TNFSF4: variants seen among roughly 807,000 people sequenced by gnomAD.
TNFSF4 encodes tumor necrosis factor ligand superfamily member 4.
TNFSF4 carries 4 observed loss-of-function variants against 7.3 expected under a neutral mutation model. The ratio of observed to expected loss-of-function variants is 0.55; its 90% CI spans 0.27 to 1.25. The LOEUF (loss-of-function observed/expected upper bound fraction) is 1.25. TNFSF4 is among the 50% of genes most tolerant of loss of function. The pLI is 0.12. For synonymous variants in TNFSF4, 76 were observed against 83.7 expected (o/e 0.91, Z 0.50); for missense variants, 181 against 208.8 (o/e 0.87, Z 0.82).
At chr1:173,262,235 G>A in the TNFSF4 span, among the ~76,000 whole-genome samples, 1 of 152,114 alleles carries the variant, frequency 6.6e-6, no homozygotes, top group Non-Finnish European at 1.5e-5. Context: ...AAAACCACAT[G>A]ATTATCATCA....
chr1:173,330,582 C>CG, the TNFSF4 span, among the ~76,000 whole-genome samples: 1 of 152,076 alleles, frequency 6.6e-6, no homozygotes. Context: ...CTTCAGCACT[C>CG]TGCCTCCCTG....
chr1:173,173,708 G>A, the TNFSF4 span, among the ~76,000 whole-genome samples: 1 of 152,232 alleles, frequency 6.6e-6, no homozygotes, highest in East Asian at 1.9e-4. Flanking sequence ...GGCGTGAGCT[G>A]TACATTGGCC....
At chr1:173,339,820 G>A in the TNFSF4 span, among the ~76,000 whole-genome samples, 18 of 152,106 alleles carry the variant, frequency 1.2e-4, no homozygotes, top group Non-Finnish European at 2.4e-4. Flanking sequence ...TCTTTATTTG[G>A]ACATTAAATA....
At chr1:173,358,633 ACAGT>A in the TNFSF4 span, among the ~76,000 whole-genome samples, 2 of 152,230 alleles carry the variant, frequency 1.3e-5, no homozygotes, top group African/African-American at 2.4e-5. Flanking sequence ...ACTATATGTA[ACAGT>A]CAGAGACTTA....
the TNFSF4 span, among the ~76,000 whole-genome samples, chr1:173,320,557 A>G: frequency 1.3e-5 from 2 of 152,206 alleles, no homozygotes; most frequent in African/African-American, 4.8e-5. Flanking sequence ...TGCAGATGAC[A>G]TGATGGTATA....
chr1:173,295,922 C>G, the TNFSF4 span, among the ~76,000 whole-genome samples: 1 of 151,922 alleles, frequency 6.6e-6, no homozygotes, highest in Admixed American at 6.6e-5. Context: ...GACATCTTAT[C>G]TTTCTAAGTA....
chr1:173,420,609 G>T, the TNFSF4 span, among the ~76,000 whole-genome samples: 1 of 151,728 alleles, frequency 6.6e-6, no homozygotes. Flanking sequence ...TCTTTAAGAT[G>T]ATGTCAAATA....
chr1:173,203,020 C>T (rs1650012257), intron 1 of TNFSF4, among the ~76,000 whole-genome samples: 1 of 152,150 alleles, frequency 6.6e-6, no homozygotes, highest in South Asian at 2.1e-4. Context: ...TTGTCCCCAC[C>T]CTGCATCTTG....
the TNFSF4 span, among the ~76,000 whole-genome samples, chr1:173,268,429 T>C: frequency 6.6e-6 from 1 of 152,010 alleles, no homozygotes; most frequent in African/African-American, 2.4e-5. Flanking sequence ...TTTCTAAACT[T>C]AGGTTACCAC....
At chr1:173,187,072 AG>A (rs1649262685) in intron 2 of TNFSF4, among the ~76,000 whole-genome samples, 1 of 151,752 alleles carries the variant, frequency 6.6e-6, no homozygotes, top group South Asian at 2.1e-4. Context: ...AAAAAGAAAA[AG>A]GAGTAAAAGC....
At chr1:173,324,127 T>C in the TNFSF4 span, among the ~76,000 whole-genome samples, 65 of 152,180 alleles carry the variant, frequency 4.3e-4, 1 homozygote, top group East Asian at 0.012. Flanking sequence ...GTCGGGTTAC[T>C]CACAAAGGGG....
the TNFSF4 span, among the ~76,000 whole-genome samples, chr1:173,265,372 T>C: frequency 1.3e-5 from 2 of 152,158 alleles, no homozygotes; most frequent in African/African-American, 4.8e-5. Flanking sequence ...GCTCTACTTA[T>C]CCTCTGGGGT....
At chr1:173,207,609 A>G (rs140004381), upstream of TNFSF4, among the ~76,000 whole-genome samples, 85 of 152,330 alleles carry the variant, frequency 5.6e-4, no homozygotes, top group African/African-American at 1.8e-3. Flanking sequence ...GTAGCAGCTC[A>G]TATATCCCTT....
the TNFSF4 span, among the ~76,000 whole-genome samples, chr1:173,399,677 G>C: frequency 1.1e-4 from 16 of 151,992 alleles, no homozygotes; most frequent in African/African-American, 2.9e-4. Context: ...CACAGCAGAG[G>C]GGTATTTTAA....
At chr1:173,395,344 T>A in the TNFSF4 span, among the ~76,000 whole-genome samples, 2 of 133,108 alleles carry the variant, frequency 1.5e-5, no homozygotes, top group South Asian at 5.0e-4. Context: ...CAACCACTTA[T>A]AAGCATCAAA....
chr1:173,392,840 C>T, the TNFSF4 span, among the ~76,000 whole-genome samples: 98,420 of 151,986 alleles, frequency 0.65, 32,267 homozygotes, highest in African/African-American at 0.77. Context: ...TTTCCAGCTA[C>T]ATATATAAAA....
chr1:173,202,620 C>A (rs1649993535), intron 1 of TNFSF4, among the ~76,000 whole-genome samples: 1 of 152,136 alleles, frequency 6.6e-6, no homozygotes, highest in African/African-American at 2.4e-5. Context: ...ACAAGAGAAG[C>A]AAAATTTGGA....
At chr1:173,201,593 A>G (rs1649945787) in intron 1 of TNFSF4, among the ~76,000 whole-genome samples, 1 of 152,226 alleles carries the variant, frequency 6.6e-6, no homozygotes, top group Non-Finnish European at 1.5e-5. Context: ...ACTGATGCCC[A>G]GGGAATTTCA....
At chr1:173,394,216 TA>T in the TNFSF4 span, among the ~76,000 whole-genome samples, 323 of 112,606 alleles carry the variant, frequency 2.9e-3, 1 homozygote, top group Non-Finnish European at 2.6e-3. Flanking sequence ...ACTCCATCTT[TA>T]AAAAAAAAAA....
Sources: allele counts gnomAD v4.1 joint callset (sites outside exome capture counted in the v4.1 genomes callset), GRCh38; gene constraint gnomAD v4.1.1; transcripts MANE v1.5; gene names NCBI Gene and HGNC (gene_info 2026-07-23, HGNC 2026-07-21).